SIK3: variants seen among roughly 807,000 people sequenced by gnomAD.
The protein encoded by SIK3 is SIK family kinase 3, also known as serine/threonine-protein kinase SIK3.
A neutral mutation model predicts 144.2 loss-of-function variants in SIK3; 28 were observed. That is an observed-to-expected ratio of 0.19 (90% CI 0.14 to 0.27). The LOEUF is 0.27. Among genes scored for constraint, SIK3 ranks in the 10% least tolerant of loss-of-function variants. The pLI, the probability that SIK3 is intolerant of heterozygous loss-of-function variation, is 1.00. For missense variants in SIK3, 1,319 were observed against 1,776.0 expected, an observed-to-expected ratio of 0.74 and a Z score of 4.62; for synonymous variants, 686 against 676.3, an observed-to-expected ratio of 1.01 and a Z score of -0.22.
intron 16 of SIK3, 103 bp downstream of exon 16, chr11:116,863,565 T>C (rs1334691035): frequency 5.3e-6 from 8 of 1,515,878 alleles, no homozygotes; most frequent in Non-Finnish European, 6.3e-6. Context: ...AAAACTGCAA[T>C]GTTGCTGACA....
intron 23 of SIK3, 84 bp downstream of exon 23, chr11:116,847,392 T>C: frequency 1.9e-6 from 3 of 1,580,652 alleles, no homozygotes. Flanking sequence ...GAGCTCTTCC[T>C]ACGAAGAGAG....
chr11:116,875,861 C>T lies in SIK3; in HGVS notation c.1239+5G>A. On this transcript the variant is annotated splice_donor_5th_base_variant and intron_variant, in intron 9 of 24. Transcript: ENST00000445177. ...CTGAACTAGGTCACTGGAGTTATTG[C>T]CCACCTGGATATTGACTGGTGCTTG... is the stretch of plus-strand genomic sequence containing the variant. 1.9e-6 allele frequency: 3 copies of T among 1,597,300 alleles called. No individual in the cohort carries two copies. The highest frequency in any genetic ancestry group is 1.4e-5 in the African/African-American group (1 of 73,776).
At chr11:116,914,151 CA>C (rs1319120069) in intron 4 of SIK3, among the ~76,000 whole-genome samples, 2 of 150,230 alleles carry the variant, frequency 1.3e-5, no homozygotes, top group Non-Finnish European at 3.0e-5. Flanking sequence ...AAAAGTAACC[CA>C]ACTGAAAGGT....
At chr11:116,996,657 T>C (rs893369475) in intron 1 of SIK3, among the ~76,000 whole-genome samples, 1 of 151,542 alleles carries the variant, frequency 6.6e-6, no homozygotes, top group African/African-American at 2.4e-5. Flanking sequence ...CCATCTCTAC[T>C]AGAAATATGA....
At chr11:116,996,752 G>A (rs750323864) in intron 1 of SIK3, among the ~76,000 whole-genome samples, 7 of 148,108 alleles carry the variant, frequency 4.7e-5, no homozygotes, top group Non-Finnish European at 8.9e-5. Context: ...CTCGGGAGGC[G>A]GAGGTTGCTG....
At chr11:116,961,118 A>G (rs1949334642) in intron 1 of SIK3, among the ~76,000 whole-genome samples, 2 of 152,256 alleles carry the variant, frequency 1.3e-5, no homozygotes, top group African/African-American at 2.4e-5. Context: ...TGGAACCCAC[A>G]GCAAGACCCG....
intron 14 of SIK3, among the ~76,000 whole-genome samples, chr11:116,868,391 G>C (rs1168200598): frequency 6.6e-6 from 1 of 152,236 alleles, no homozygotes; most frequent in Non-Finnish European, 1.5e-5. Flanking sequence ...CTCGGTAGAA[G>C]AATTTATTTT....
intron 1 of SIK3, among the ~76,000 whole-genome samples, chr11:117,060,008 C>A (rs567190405): frequency 7.5e-4 from 114 of 152,070 alleles, no homozygotes; most frequent in Non-Finnish European, 1.3e-3. Flanking sequence ...GGTATTTAGC[C>A]AAATGAGCTG....
intron 1 of SIK3, among the ~76,000 whole-genome samples, chr11:117,066,034 G>A (rs939986143): frequency 1.3e-5 from 2 of 151,144 alleles, no homozygotes; most frequent in South Asian, 2.1e-4. Flanking sequence ...CAAGGAATCC[G>A]GTCTTCACTA....
At chr11:117,053,014 A>G (rs904907322) in intron 1 of SIK3, among the ~76,000 whole-genome samples, 1 of 152,100 alleles carries the variant, frequency 6.6e-6, no homozygotes, top group African/African-American at 2.4e-5. Context: ...ACCTTCAAAA[A>G]AGCCACAGTC....
intron 1 of SIK3, among the ~76,000 whole-genome samples, chr11:117,002,653 T>C (rs1414040178): frequency 2.6e-5 from 4 of 152,150 alleles, no homozygotes; most frequent in Non-Finnish European, 5.9e-5. Flanking sequence ...AAAAAAACAT[T>C]TCACAATATT....
At chr11:116,887,245 T>TAAAAAAAA (rs5795056) in intron 6 of SIK3, among the ~76,000 whole-genome samples, 1 of 103,644 alleles carries the variant, frequency 9.6e-6, no homozygotes, top group East Asian at 2.9e-4. Context: ...GTCTCTACAC[T>TAAAAAAAA]AAAAAAAAAA....
At chr11:117,023,605 C>A (rs372195781) in intron 1 of SIK3, among the ~76,000 whole-genome samples, 48 of 64,072 alleles carry the variant, frequency 7.5e-4, no homozygotes, top group East Asian at 6.3e-3. Flanking sequence ...AACAAACAAA[C>A]AAACAAAAAA....
At chr11:117,063,702 G>T (rs1047298716) in intron 1 of SIK3, among the ~76,000 whole-genome samples, 14 of 151,384 alleles carry the variant, frequency 9.2e-5, no homozygotes, top group South Asian at 2.1e-4. Context: ...CCAAGTAGCT[G>T]GAATTACAGG....
intron 1 of SIK3, among the ~76,000 whole-genome samples, chr11:117,059,582 T>G (rs1461169444): frequency 6.6e-6 from 1 of 152,178 alleles, no homozygotes; most frequent in Non-Finnish European, 1.5e-5. Flanking sequence ...AGCCACAGGC[T>G]AGAAGAAAAT....
chr11:116,953,464 T>A (rs1949026364), intron 3 of SIK3, among the ~76,000 whole-genome samples: 1 of 152,230 alleles, frequency 6.6e-6, no homozygotes, highest in Non-Finnish European at 1.5e-5. Flanking sequence ...AAAAATCAGA[T>A]TTGTCAGTAA....
chr11:117,075,546 CT>C (rs564984679), intron 1 of SIK3, among the ~76,000 whole-genome samples: 44,971 of 133,728 alleles, frequency 0.34, 9,110 homozygotes, highest in African/African-American at 0.65. Context: ...ATTTTTTTTT[CT>C]TTTTTTTTTT....
At chr11:117,004,377 G>A (rs553977320) in intron 1 of SIK3, among the ~76,000 whole-genome samples, 8 of 152,100 alleles carry the variant, frequency 5.3e-5, no homozygotes, top group East Asian at 3.9e-4. Context: ...TTAGCCAGGC[G>A]TGATGGTGCA....
intron 4 of SIK3, among the ~76,000 whole-genome samples, chr11:116,903,148 T>A (rs1488023904): frequency 3.3e-5 from 5 of 152,228 alleles, no homozygotes; most frequent in African/African-American, 1.2e-4. Context: ...AATCTGGAAG[T>A]CATTTTGAAA....
Sources: gnomAD v4.1 joint callset for allele counts (sites outside exome capture counted in the v4.1 genomes callset) on GRCh38, gnomAD v4.1.1 for gene constraint, MANE v1.5 for transcripts, NCBI Gene and HGNC (gene_info 2026-07-23, HGNC 2026-07-21) for gene names.